Variants in ENTREP2 observed in about 807,000 individuals in gnomAD.
ENTREP2 encodes protein ENTREP2.
chr15:29,187,358 C>T, the ENTREP2 span, among the ~76,000 whole-genome samples: 2 of 152,132 alleles, frequency 1.3e-5, no homozygotes, highest in African/African-American at 2.4e-5. Context: ...TCACTTCAGC[C>T]TCCTCCTCCA....
At chr15:29,131,889 T>G in the ENTREP2 span, among the ~76,000 whole-genome samples, 1 of 85,074 alleles carries the variant, frequency 1.2e-5, no homozygotes, top group Admixed American at 1.2e-4. Flanking sequence ...ACTCACTCCT[T>G]GAACACTGGC....
the ENTREP2 span, among the ~76,000 whole-genome samples, chr15:29,607,849 T>C: frequency 8.7e-5 from 12 of 138,432 alleles, no homozygotes; most frequent in Non-Finnish European, 1.9e-4. Context: ...GACAGATAGA[T>C]AGATATAGAT....
chr15:29,570,662 C>T, the ENTREP2 span: 13 of 1,300,422 alleles, frequency 1.0e-5, no homozygotes, highest in African/African-American at 1.6e-5. Context: ...CTCGCGCAGG[C>T]GGGACAGGCT....
chr15:29,541,292 C>T, the ENTREP2 span, among the ~76,000 whole-genome samples: 8 of 152,178 alleles, frequency 5.3e-5, no homozygotes, highest in South Asian at 2.1e-4. Flanking sequence ...TCGCTCCTTC[C>T]GTAAATCGGT....
chr15:29,588,776 T>C, the ENTREP2 span, among the ~76,000 whole-genome samples: 117 of 152,052 alleles, frequency 7.7e-4, 1 homozygote, highest in East Asian at 0.018. Context: ...GGCAGGCAGA[T>C]CACTTGAGCT....
chr15:29,321,108 C>G, the ENTREP2 span, among the ~76,000 whole-genome samples: 2 of 151,876 alleles, frequency 1.3e-5, no homozygotes, highest in African/African-American at 4.8e-5. Context: ...CTTGGAGAAC[C>G]CAAACAGGAT....
chr15:29,605,816 C>G, the ENTREP2 span, among the ~76,000 whole-genome samples: 304 of 152,044 alleles, frequency 2.0e-3, no homozygotes, highest in African/African-American at 7.0e-3. Flanking sequence ...GCTTGGGTGA[C>G]AGAGTGAGAC....
the ENTREP2 span, among the ~76,000 whole-genome samples, chr15:29,250,872 G>T: frequency 6.6e-6 from 1 of 152,154 alleles, no homozygotes; most frequent in Non-Finnish European, 1.5e-5. Flanking sequence ...GAATACTTCT[G>T]TGCACATCAT....
chr15:29,225,680 C>T, the ENTREP2 span, among the ~76,000 whole-genome samples: 4 of 152,134 alleles, frequency 2.6e-5, no homozygotes, highest in Admixed American at 2.0e-4. Flanking sequence ...GTATCACGGT[C>T]GAGCATGCGG....
chr15:29,413,396 T>C, the ENTREP2 span, among the ~76,000 whole-genome samples: 74 of 152,356 alleles, frequency 4.9e-4, no homozygotes, highest in Admixed American at 1.3e-3. Context: ...TTTATGTGTT[T>C]TTTCTTTATA....
the ENTREP2 span, among the ~76,000 whole-genome samples, chr15:29,228,378 A>C: frequency 6.6e-6 from 1 of 152,174 alleles, no homozygotes; most frequent in Non-Finnish European, 1.5e-5. Flanking sequence ...CACTTACATG[A>C]GTGACCTAGA....
chr15:29,317,606 C>T, the ENTREP2 span, among the ~76,000 whole-genome samples: 1 of 152,106 alleles, frequency 6.6e-6, no homozygotes, highest in Non-Finnish European at 1.5e-5. Flanking sequence ...TATTAAAATG[C>T]TTGAGTGCAT....
the ENTREP2 span, among the ~76,000 whole-genome samples, chr15:29,653,406 T>A: frequency 6.6e-6 from 1 of 152,348 alleles, no homozygotes; most frequent in East Asian, 1.9e-4. Flanking sequence ...CTGATACAGT[T>A]TGGCTGTGTC....
the ENTREP2 span, among the ~76,000 whole-genome samples, chr15:29,477,446 C>T: frequency 6.6e-6 from 1 of 152,100 alleles, no homozygotes; most frequent in South Asian, 2.1e-4. Context: ...AGGAGAGAAA[C>T]TGTTGCTAGG....
At chr15:29,436,774 TA>T in the ENTREP2 span, among the ~76,000 whole-genome samples, 7 of 152,196 alleles carry the variant, frequency 4.6e-5, no homozygotes, top group Non-Finnish European at 8.8e-5. Flanking sequence ...GAGAAACCAA[TA>T]AATGACTTCT....
the ENTREP2 span, among the ~76,000 whole-genome samples, chr15:29,414,515 T>C: frequency 6.6e-6 from 1 of 151,706 alleles, no homozygotes; most frequent in Non-Finnish European, 1.5e-5. Flanking sequence ...TAGAGGGAAA[T>C]TTATAGCACT....
At chr15:29,615,309 C>A in the ENTREP2 span, among the ~76,000 whole-genome samples, 1 of 152,082 alleles carries the variant, frequency 6.6e-6, no homozygotes, top group Non-Finnish European at 1.5e-5. Flanking sequence ...GCACACACCA[C>A]CATGCTGGGC....
chr15:29,647,667 T>C, the ENTREP2 span, among the ~76,000 whole-genome samples: 46 of 152,288 alleles, frequency 3.0e-4, 1 homozygote, highest in Admixed American at 2.7e-3. Flanking sequence ...TTCCTTCCAG[T>C]CTTTAAATCA....
the ENTREP2 span, among the ~76,000 whole-genome samples, chr15:29,435,256 C>G: frequency 6.6e-6 from 1 of 152,168 alleles, no homozygotes; most frequent in Non-Finnish European, 1.5e-5. Flanking sequence ...TCTGCATCCA[C>G]TCTGTGCTCC....
Sources: gnomAD v4.1 joint callset for allele counts (sites outside exome capture counted in the v4.1 genomes callset) on GRCh38, gnomAD v4.1.1 for gene constraint, MANE v1.5 for transcripts, NCBI Gene and HGNC (gene_info 2026-07-23, HGNC 2026-07-21) for gene names.